ANO3: variants seen among roughly 807,000 people sequenced by gnomAD.
ANO3 encodes the protein anoctamin-3.
A neutral mutation model predicts 144.8 loss-of-function variants in ANO3; 99 were observed. The observed-to-expected ratio is 0.68, with a 90% CI of 0.58 to 0.81. ANO3 has a LOEUF of 0.81. Among genes scored for constraint, ANO3 ranks in the 30% least tolerant of loss-of-function variants. The probability of loss-of-function intolerance (pLI) is 0.00; values close to 1 mark genes in which losing one functional copy is unlikely to be tolerated. For synonymous variants in ANO3, 414 were observed against 392.6 expected, an observed-to-expected ratio of 1.05 and a Z score of -0.64; for missense variants, 905 against 1,202.2, an observed-to-expected ratio of 0.75 and a Z score of 3.66.
chr11:26,454,460 T>C (rs1268983967), intron 3 of ANO3, among the ~76,000 whole-genome samples: 1 of 152,114 alleles, frequency 6.6e-6, no homozygotes, highest in Non-Finnish European at 1.5e-5. Flanking sequence ...TCTACTCAAA[T>C]AAACTAGAAA....
In ANO3 at chr11:26,254,170, G is replaced by A. The variant is rs371350940; in HGVS notation, c.155-55475G>A. Among the ~76,000 whole-genome samples the A allele has an allele frequency of 7.2e-5, 11 of 152,110 alleles. No homozygotes were observed. In the East Asian group the frequency reaches 9.7e-4, roughly 13 times the overall value. The stretch of plus-strand genomic sequence containing the variant: ...CCAAGCTGGTGACTTACGAGTACTT[G>A]TAGCATTTCCTGGAAAGGTATTACC... On this transcript the variant is annotated intron_variant, in intron 1 of 27. Transcript: ENST00000672621.
intron 6 of ANO3, among the ~76,000 whole-genome samples, chr11:26,517,393 A>T (rs898256047): frequency 6.6e-6 from 1 of 152,070 alleles, no homozygotes; most frequent in Non-Finnish European, 1.5e-5. Flanking sequence ...ACAAGAAATA[A>T]ATGGTAATAA....
At position 26,637,907 on chromosome 11, in the gene ANO3, C is replaced by T. The variant is rs140076996; in HGVS notation, c.2044-1237C>T. On this transcript the variant is annotated intron_variant, in intron 20 of 26. Transcript: ENST00000256737. ...ACCCATTTCTAAAGAAACAGACCCA[C>T]GCCTTCCCACCCAAATATCTTGAAT... 2.1e-3 allele frequency among the ~76,000 whole-genome samples: 318 copies of T among 152,270 alleles called. 1 individual carries two copies. Among genetic ancestry groups the T allele is most frequent in the Non-Finnish European group, 3.6e-3 (242 of 68,020 alleles).
chr11:26,593,820 G>A (rs754072139), intron 14 of ANO3, among the ~76,000 whole-genome samples: 1 of 152,118 alleles, frequency 6.6e-6, no homozygotes, highest in Non-Finnish European at 1.5e-5. Flanking sequence ...TCCAAAGTCC[G>A]CTTGCCGAGG....
At chr11:26,612,752 A>G (rs1356791110) in intron 17 of ANO3, among the ~76,000 whole-genome samples, 1 of 152,016 alleles carries the variant, frequency 6.6e-6, no homozygotes. Flanking sequence ...TTTCTGAAGG[A>G]TAGCTTTATG....
At chr11:26,273,375 A>G (rs1404068382) in intron 1 of ANO3, among the ~76,000 whole-genome samples, 1 of 151,958 alleles carries the variant, frequency 6.6e-6, no homozygotes, top group East Asian at 1.9e-4. Context: ...AAGGACCTTT[A>G]AGGCTCATTA....
rs563174908 is a variant in ANO3, at chr11:26,463,335, CATCAT to C, written c.432+190_432+194del. On this transcript the variant is annotated intron_variant, in intron 4 of 26. Coordinates refer to ENST00000256737, the MANE Select transcript of ANO3 (RefSeq NM_031418.4). ...GATATTCATATTTGTTATATTGATT[CATCAT>C]ATATCTCAAACAGAATGTTTAAAAT... Among the ~76,000 whole-genome samples the C allele has an allele frequency of 2.4e-3, 371 of 151,860 alleles. 2 individuals are homozygous for C. Among genetic ancestry groups the C allele is most frequent in the Non-Finnish European group, 2.2e-3 (152 of 67,804 alleles).
intron 14 of ANO3, among the ~76,000 whole-genome samples, chr11:26,574,164 A>G (rs1340927614): frequency 6.6e-6 from 1 of 152,142 alleles, no homozygotes; most frequent in Non-Finnish European, 1.5e-5. Context: ...GCACTCACCA[A>G]TTGCTTTACA....
chr11:26,561,838 C>T (rs1850306483), intron 14 of ANO3, among the ~76,000 whole-genome samples: 1 of 151,862 alleles, frequency 6.6e-6, no homozygotes, highest in Admixed American at 6.6e-5. Context: ...AATTCATTTT[C>T]AAAGCAAAAC....
In ANO3 at chr11:26,562,308, G is replaced by T. The variant is rs1343225460; in HGVS notation, c.1447+2529G>T. Among the ~76,000 whole-genome samples the T allele has an allele frequency of 2.6e-5, 4 of 151,774 alleles. No individual in the cohort carries two copies. In the South Asian group the frequency reaches 8.3e-4, roughly 32 times the overall value. The stretch of plus-strand genomic sequence containing the variant: ...GGTTCTGAATATGAGAAATATATCA[G>T]TTATATCTGAACTCATCAAAACTCA... On this transcript the variant is annotated intron_variant, in intron 14 of 26. Coordinates refer to ENST00000256737, the MANE Select transcript of ANO3 (RefSeq NM_031418.4).
At chr11:26,201,757 G>GT (rs1392116521) in intron 1 of ANO3, among the ~76,000 whole-genome samples, 19 of 148,910 alleles carry the variant, frequency 1.3e-4, no homozygotes, top group African/African-American at 4.0e-4. Flanking sequence ...TTTGAAGGAA[G>GT]TTTTGTTTTT....
intron 14 of ANO3, among the ~76,000 whole-genome samples, chr11:26,578,188 T>G (rs2132850057): frequency 6.6e-6 from 1 of 152,240 alleles, no homozygotes; most frequent in Admixed American, 6.5e-5. Context: ...AAGACATGAG[T>G]TTAAAATCTT....
chr11:26,373,816 G>A (rs746126579), intron 1 of ANO3, among the ~76,000 whole-genome samples: 8 of 152,090 alleles, frequency 5.3e-5, no homozygotes, highest in Non-Finnish European at 7.4e-5. Context: ...TAAGTCTTTT[G>A]CAGATAAGAA....
At chr11:26,510,067 G>A (rs1193600514) in intron 5 of ANO3, among the ~76,000 whole-genome samples, 1 of 144,990 alleles carries the variant, frequency 6.9e-6, no homozygotes, top group Non-Finnish European at 1.5e-5. Context: ...CCGGGAGATG[G>A]AGCTTGCAGT....
At position 26,469,082 on chromosome 11, in the gene ANO3, A is replaced by G. The variant is rs200721825; in HGVS notation, c.432+5934A>G. Among the ~76,000 whole-genome samples, 10 of 152,006 alleles carry G rather than the reference A, an allele frequency of 6.6e-5. No homozygotes were observed. In the East Asian group the frequency reaches 1.6e-3, roughly 24 times the overall value. ...CAAAGTAATCTCGTCCTGTTTTCAG[A>G]GTCTTTGTATTCTCTGAAATACTGA... On this transcript the variant is annotated intron_variant, in intron 4 of 26. Transcript: ENST00000256737.
chr11:26,559,850 A>T, intron 14 of ANO3, 71 bp downstream of exon 14: 1 of 876,940 alleles, frequency 1.1e-6, no homozygotes. Context: ...ACACACACAC[A>T]CACACACACA....
intron 1 of ANO3, among the ~76,000 whole-genome samples, chr11:26,386,372 G>A (rs1856732732): frequency 6.6e-6 from 1 of 152,106 alleles, no homozygotes; most frequent in Admixed American, 6.6e-5. Flanking sequence ...CCATCATAGT[G>A]CTTGTTAGTT....
intron 7 of ANO3, among the ~76,000 whole-genome samples, chr11:26,526,873 A>T (rs1002562409): frequency 9.2e-5 from 14 of 152,042 alleles, no homozygotes; most frequent in Non-Finnish European, 1.9e-4. Flanking sequence ...TATGTAGCAA[A>T]TTTCCAGTCA....
chr11:26,514,187 A>T (rs1275987189), intron 5 of ANO3, among the ~76,000 whole-genome samples: 1 of 151,972 alleles, frequency 6.6e-6, no homozygotes, highest in African/African-American at 2.4e-5. Context: ...TTCTTCCCAA[A>T]TCATAGGTTA....
Sources: gnomAD v4.1 joint callset for allele counts (sites outside exome capture counted in the v4.1 genomes callset) on GRCh38, gnomAD v4.1.1 for gene constraint, MANE v1.5 for transcripts, NCBI Gene and HGNC (gene_info 2026-07-23, HGNC 2026-07-21) for gene names.